Variants in CAMTA1 observed in about 807,000 individuals in gnomAD.
CAMTA1 encodes the protein calmodulin-binding transcription activator 1.
A neutral mutation model predicts 170.9 loss-of-function variants in CAMTA1; 27 were observed. The observed-to-expected ratio is 0.16, with a 90% CI of 0.12 to 0.22. The LOEUF (loss-of-function observed/expected upper bound fraction) is 0.22. Ranked by LOEUF, CAMTA1 falls within the 10% of genes least tolerant of loss-of-function variation. CAMTA1 has a pLI of 1.00. For synonymous variants in CAMTA1, 833 were observed against 891.5 expected, an observed-to-expected ratio of 0.93 and a Z score of 1.17; for missense variants, 1,619 against 2,217.2, an observed-to-expected ratio of 0.73 and a Z score of 5.42.
intron 3 of CAMTA1, among the ~76,000 whole-genome samples, chr1:6,927,585 T>C (rs2149357395): frequency 6.6e-6 from 1 of 152,348 alleles, no homozygotes; most frequent in South Asian, 2.1e-4. Context: ...CCTCATTTCC[T>C]GTTTCATATT....
intron 5 of CAMTA1, among the ~76,000 whole-genome samples, chr1:7,295,471 C>G (rs779873393): frequency 9.2e-5 from 14 of 152,178 alleles, no homozygotes; most frequent in Non-Finnish European, 1.6e-4. Context: ...TAGCAGCGTT[C>G]TAGGCACCTG....
chr1:7,329,180 C>T (rs979141381), intron 5 of CAMTA1, among the ~76,000 whole-genome samples: 5 of 145,108 alleles, frequency 3.4e-5, no homozygotes, highest in Admixed American at 2.0e-4. Flanking sequence ...GTTGAAGTAA[C>T]ATCTTGAAAA....
chr1:7,086,597 C>T (rs1441497780), intron 3 of CAMTA1, among the ~76,000 whole-genome samples: 1 of 152,176 alleles, frequency 6.6e-6, no homozygotes, highest in African/African-American at 2.4e-5. Context: ...CCTTGGCAAC[C>T]ACTAATCTCC....
chr1:7,453,704 C>T (rs933711493), intron 5 of CAMTA1, among the ~76,000 whole-genome samples: 4 of 152,216 alleles, frequency 2.6e-5, no homozygotes, highest in Admixed American at 1.3e-4. Flanking sequence ...ATTGGCCTTC[C>T]CTGCTCTCTC....
chr1:7,499,371 A>T (rs553603340), intron 6 of CAMTA1, among the ~76,000 whole-genome samples: 5 of 128,198 alleles, frequency 3.9e-5, no homozygotes, highest in Admixed American at 7.9e-5. Context: ...GTGCGTGTGT[A>T]TGTATATGAG....
intron 5 of CAMTA1, among the ~76,000 whole-genome samples, chr1:7,350,729 GTGTGTGTGTA>G (rs1457735601): frequency 1.3e-5 from 2 of 152,178 alleles, no homozygotes. Context: ...TATGGTGTGT[GTGTGTGTGTA>G]TGTGTGTGTA....
chr1:7,727,753 G>A (rs1262747113), intron 11 of CAMTA1, among the ~76,000 whole-genome samples: 2 of 152,354 alleles, frequency 1.3e-5, no homozygotes, highest in African/African-American at 2.4e-5. Flanking sequence ...TAATAAAGCT[G>A]TAAAACCAAA....
Position 7,455,231 on chromosome 1 carries a change from G to A in CAMTA1, c.439-12599G>A, listed in dbSNP as rs1232542367. Among the ~76,000 whole-genome samples, 1 of 152,206 alleles carries A rather than the reference G, an allele frequency of 6.6e-6. No individual in the cohort carries two copies. The highest frequency in any genetic ancestry group is 6.5e-5 in the Admixed American group (1 of 15,286). Reference sequence around the variant, plus strand: ...AGTGCAGGAGCCGCGGCTCGGCATGGTTCTGCGTGTGTGTTTCCGACACTG... The same window carrying A: ...AGTGCAGGAGCCGCGGCTCGGCATGATTCTGCGTGTGTGTTTCCGACACTG... On this transcript the variant is annotated intron_variant, in intron 5 of 22. Coordinates refer to ENST00000303635, the MANE Select transcript of CAMTA1 (RefSeq NM_015215.4). This position sits in a 1 kb window ranked among gnomAD's most constrained non-coding sequence, Gnocchi z 5.0.
At chr1:7,326,900 T>TC (rs1474768484) in intron 5 of CAMTA1, among the ~76,000 whole-genome samples, 1 of 151,888 alleles carries the variant, frequency 6.6e-6, no homozygotes, top group African/African-American at 2.4e-5. Context: ...GGAAAGCAGG[T>TC]AGAGAAGATA....
intron 5 of CAMTA1, among the ~76,000 whole-genome samples, chr1:7,377,418 C>T (rs770508783): frequency 2.6e-5 from 4 of 152,172 alleles, no homozygotes; most frequent in East Asian, 1.9e-4. Flanking sequence ...ATTCTCAGGC[C>T]GACTTCCCTG....
chr1:7,470,708 A>C (rs1359402256), intron 6 of CAMTA1, among the ~76,000 whole-genome samples: 1 of 152,184 alleles, frequency 6.6e-6, no homozygotes, highest in Admixed American at 6.5e-5. Context: ...TGCTTCTGGA[A>C]AAAGGAGACT....
chr1:7,271,498 A>G (rs188712761), intron 5 of CAMTA1, among the ~76,000 whole-genome samples: 66 of 152,260 alleles, frequency 4.3e-4, no homozygotes, highest in Middle Eastern at 3.4e-3. Context: ...GAGAAAATCA[A>G]TGAAACCAGA....
intron 3 of CAMTA1, among the ~76,000 whole-genome samples, chr1:6,979,940 G>A (rs1694144371): frequency 6.6e-6 from 1 of 152,170 alleles, no homozygotes; most frequent in Admixed American, 6.5e-5. Context: ...AGCCCACTAT[G>A]TGCGCATGAA....
rs977156653 is a variant in CAMTA1 at position 7,355,399 on chromosome 1, T to C, written c.438+105773T>C. On this transcript the variant is annotated intron_variant, in intron 5 of 22. Transcript: ENST00000303635. ...GACCCTGTCTCAAAACAAAACAAAA[T>C]AAAACAAACAGAAAAACTCAAATCT... Among the ~76,000 whole-genome samples the C allele has an allele frequency of 4.0e-5, 6 of 151,874 alleles. No individual in the cohort carries two copies. In the East Asian group the frequency reaches 1.2e-3, roughly 29 times the overall value.
At chr1:6,993,483 T>C (rs1342953972) in intron 3 of CAMTA1, among the ~76,000 whole-genome samples, 1 of 152,212 alleles carries the variant, frequency 6.6e-6, no homozygotes, top group Non-Finnish European at 1.5e-5. Flanking sequence ...AAATCCCCAA[T>C]TGAGATAATA....
intron 5 of CAMTA1, among the ~76,000 whole-genome samples, chr1:7,316,048 G>T (rs762386078): frequency 1.8e-4 from 28 of 152,204 alleles, no homozygotes; most frequent in Non-Finnish European, 3.2e-4. Flanking sequence ...GGAGAGAGAA[G>T]TGTGGAGCAA....
chr1:7,674,780 A>G lies in CAMTA1; in HGVS notation c.2780-2819A>G, dbSNP rs545495521. Reference sequence around the variant, plus strand: ...CAGAGTAAGACTCTGTCTCAAAAAAACAAAAAGCAAACAAACAAACAAAAA... The same window carrying G: ...CAGAGTAAGACTCTGTCTCAAAAAAGCAAAAAGCAAACAAACAAACAAAAA... On this transcript the variant is annotated intron_variant, in intron 10 of 22. Transcript: ENST00000303635. The surrounding 1 kb of genome is among the most constrained non-coding windows in gnomAD (Gnocchi z 4.1). Among the ~76,000 whole-genome samples, 10 of 152,234 alleles carry G rather than the reference A, an allele frequency of 6.6e-5. No homozygotes were observed. Among genetic ancestry groups the G allele is most frequent in the African/African-American group, 2.4e-4 (10 of 41,524 alleles).
intron 3 of CAMTA1, among the ~76,000 whole-genome samples, chr1:6,835,459 G>A (rs1652597941): frequency 6.6e-6 from 1 of 152,180 alleles, no homozygotes; most frequent in Non-Finnish European, 1.5e-5. Flanking sequence ...GGAGAGGCTG[G>A]CATTCTTTAG....
intron 3 of CAMTA1, among the ~76,000 whole-genome samples, chr1:6,975,028 A>G (rs939916593): frequency 4.6e-5 from 7 of 152,248 alleles, no homozygotes; most frequent in African/African-American, 1.7e-4. Flanking sequence ...TAAATTATCA[A>G]TAAATCACCC....
Sources: allele counts gnomAD v4.1 joint callset (sites outside exome capture counted in the v4.1 genomes callset), GRCh38; gene constraint gnomAD v4.1.1; non-coding constraint Gnocchi (gnomAD v3.1); transcripts MANE v1.5; gene names NCBI Gene and HGNC (gene_info 2026-07-23, HGNC 2026-07-21).